Variants in RALB observed in about 807,000 individuals in gnomAD.
The protein encoded by RALB is RAS like proto-oncogene B.
A neutral mutation model predicts 21.3 loss-of-function variants in RALB; 16 were observed. The observed-to-expected ratio is 0.75, with a 90% CI of 0.51 to 1.14. The LOEUF is 1.14. Ranked by LOEUF, RALB falls within the 50% of genes most tolerant of loss-of-function variation. RALB has a pLI of 0.00. For missense variants in RALB, 161 were observed against 256.2 expected, an observed-to-expected ratio of 0.63 and a Z score of 2.54; for synonymous variants, 93 against 96.1, an observed-to-expected ratio of 0.97 and a Z score of 0.19.
At chr2:120,246,902 G>A (rs930385935) in intron 1 of RALB, among the ~76,000 whole-genome samples, 1 of 152,212 alleles carries the variant, frequency 6.6e-6, no homozygotes, top group Non-Finnish European at 1.5e-5. Flanking sequence ...TGGGGAGGGA[G>A]GGAGGGGCTG....
At chr2:120,241,495 G>A (rs964192732) in intron 1 of RALB, among the ~76,000 whole-genome samples, 3 of 152,232 alleles carry the variant, frequency 2.0e-5, no homozygotes, top group African/African-American at 7.2e-5. Flanking sequence ...GGTGGCCAAG[G>A]TGGGCGGATC....
rs1573363989 is a variant in RALB, at chr2:120,294,261, C to T, written c.*1001C>T. On this transcript the variant is annotated 3_prime_UTR_variant, in exon 5 of 5. Coordinates refer to ENST00000272519, the MANE Select transcript of RALB (RefSeq NM_002881.3). ...GAAGCCAGAGCCTGTGCCAGACCTT[C>T]TGCTACCTCTCATAGAATTGCTCTG... is the stretch of plus-strand genomic sequence containing the variant. 1 of 398,658 alleles carries T rather than the reference C, an allele frequency of 2.5e-6. No individual in the cohort carries two copies. The highest frequency in any genetic ancestry group is 3.6e-5 in the East Asian group (1 of 28,086). 24.7% of individuals were successfully genotyped at this position (398,658 alleles called of 1,614,324 possible). A position where few individuals can be genotyped will look rare whatever the true frequency, so the allele number is the denominator to read the frequency against.
intron 2 of RALB, among the ~76,000 whole-genome samples, chr2:120,284,462 G>A (rs995711061): frequency 2.0e-5 from 3 of 151,820 alleles, no homozygotes; most frequent in Non-Finnish European, 2.9e-5. Flanking sequence ...GCAATGGCAC[G>A]ATCTTGGTTC....
At position 120,277,515 on chromosome 2, in the gene RALB, A is replaced by G. The variant is rs1689837385; in HGVS notation, c.-47-1103A>G. 2.1e-5 allele frequency among the ~76,000 whole-genome samples: 3 copies of G among 144,568 alleles called. No individual in the cohort carries two copies. The South Asian group carries it at 6.5e-4, about 31-fold the overall frequency. The allele number at this position is 144,568 out of a possible 152,430, so 94.8% of individuals were successfully genotyped here. Reference sequence around the variant, plus strand: ...TGTGTGGTATGAGCATGTGAACGTTAGAGCGTATGTGAGTGTGTAGTTGTG... The same window carrying G: ...TGTGTGGTATGAGCATGTGAACGTTGGAGCGTATGTGAGTGTGTAGTTGTG... On this transcript the variant is annotated intron_variant, in intron 1 of 4. Coordinates refer to ENST00000272519, the MANE Select transcript of RALB (RefSeq NM_002881.3).
At chr2:120,252,353 G>A (rs1233201188), upstream of RALB, among the ~76,000 whole-genome samples, 2 of 152,246 alleles carry the variant, frequency 1.3e-5, no homozygotes, top group African/African-American at 2.4e-5. Context: ...CGAAGCGAGT[G>A]GTGGCGGCAG....
At position 120,285,751 on chromosome 2, in the gene RALB, TA is replaced by T; in HGVS notation, c.115-119del. 2.7e-6 allele frequency: 2 copies of T among 748,320 alleles called. 1 individual carries two copies. The highest frequency in any genetic ancestry group is 5.1e-5 in the East Asian group (2 of 38,850). 46.4% of individuals were successfully genotyped at this position (748,320 alleles called of 1,614,324 possible). A position where few individuals can be genotyped will look rare whatever the true frequency, so the allele number is the denominator to read the frequency against. On this transcript the variant is annotated intron_variant, in intron 2 of 4. Coordinates refer to ENST00000272519, the MANE Select transcript of RALB (RefSeq NM_002881.3). ...AGCTATAAAGAACAGAAGTGTTACG[TA>T]AAATGTTGCTTCTGTAGTGTCCTGT...
In RALB at chr2:120,278,664, G is replaced by A. The variant is rs763851556; in HGVS notation, c.-1G>A. ...TGTCACAGCCTCAGAAGACCAGCGA[G>A]ATGGCTGCCAACAAGAGTAAGGGCC... On this transcript the variant is annotated 5_prime_UTR_variant, in exon 2 of 5. Coordinates refer to ENST00000272519, the MANE Select transcript of RALB (RefSeq NM_002881.3). The A allele has an allele frequency of 1.3e-6, 2 of 1,593,612 alleles. No individual in the cohort carries two copies. The highest frequency in any genetic ancestry group is 2.3e-5 in the East Asian group (1 of 43,446).
In RALB at chr2:120,252,909, C is replaced by T. The variant is rs1689090003; in HGVS notation, c.-119C>T. On this transcript the variant is annotated 5_prime_UTR_variant, in exon 1 of 5. Transcript: ENST00000272519. ...GTGGAGGACGGCTGGGGTCCGGCCC[C>T]GGGAGGGGGCGGGGCGCGTTTAAGA... 2 of 985,424 alleles carry T rather than the reference C, an allele frequency of 2.0e-6. No individual in the cohort carries two copies. Among genetic ancestry groups the T allele is most frequent in the South Asian group, 4.7e-5 (1 of 21,298 alleles). 61.0% of individuals were successfully genotyped at this position (985,424 alleles called of 1,614,324 possible). A position where few individuals can be genotyped will look rare whatever the true frequency, so the allele number is the denominator to read the frequency against.
At chr2:120,264,678 T>A (rs2104601154) in intron 1 of RALB, among the ~76,000 whole-genome samples, 1 of 152,322 alleles carries the variant, frequency 6.6e-6, no homozygotes, top group East Asian at 1.9e-4. Flanking sequence ...TACTTTGTTG[T>A]GCAGCCATCA....
chr2:120,252,583 G>T (rs1282035671), upstream of RALB, among the ~76,000 whole-genome samples: 2 of 152,226 alleles, frequency 1.3e-5, no homozygotes, highest in African/African-American at 2.4e-5. Context: ...CTCCACTGCC[G>T]CAGGGTTACC....
At chr2:120,263,980 C>G (rs1177409404) in intron 1 of RALB, among the ~76,000 whole-genome samples, 1 of 151,506 alleles carries the variant, frequency 6.6e-6, no homozygotes, top group Admixed American at 6.6e-5. Flanking sequence ...TCCCTGGGAG[C>G]TGGGATTACA....
intron 1 of RALB, among the ~76,000 whole-genome samples, chr2:120,260,041 C>T (rs573763572): frequency 0.019 from 2,834 of 152,318 alleles, 101 homozygotes; most frequent in African/African-American, 0.064. Flanking sequence ...GCTGGCTGCT[C>T]CGAGTGCGGG....
intron 1 of RALB, among the ~76,000 whole-genome samples, chr2:120,260,707 C>T (rs943504721): frequency 5.9e-5 from 9 of 152,188 alleles, no homozygotes; most frequent in South Asian, 4.1e-4. Flanking sequence ...AGGAGGGGGA[C>T]GCTGGAAGGG....
At chr2:120,253,044 C>G (rs1573319945) in intron 1 of RALB, 64 bp downstream of exon 1, 1 of 915,918 alleles carries the variant, frequency 1.1e-6, no homozygotes, top group South Asian at 5.0e-5. Context: ...TGGGGTACGC[C>G]GCACGCCCGC....
chr2:120,270,570 G>A (rs565895631), intron 1 of RALB, among the ~76,000 whole-genome samples: 1 of 151,950 alleles, frequency 6.6e-6, no homozygotes, highest in Admixed American at 6.6e-5. Flanking sequence ...TTCTTTGTAA[G>A]GCCGGAACAG....
rs770219496 is a variant in RALB at position 120,278,775 on chromosome 2, C to T, written c.111C>T (p.Asp37=). The change falls in exon 2 of 5, where the codon GAC becomes GAT. Residue 37 remains aspartate, a synonymous_variant. Transcript: ENST00000272519. ...KSALTLQFMY[D]EFVEDYEPTK... is the part of the protein sequence containing the mutation. ...CCCTGACGCTTCAGTTCATGTATGA[C>T]GAGGTAAGCCCTGCTAGGCACAGAC... The T allele has an allele frequency of 2.4e-5, 38 of 1,555,800 alleles. No individual in the cohort carries two copies. The Admixed American group carries it at 5.9e-4, about 24-fold the overall frequency.
chr2:120,289,258 G>GTA (rs1690249008), intron 3 of RALB, among the ~76,000 whole-genome samples: 1 of 141,684 alleles, frequency 7.1e-6, no homozygotes, highest in Non-Finnish European at 1.5e-5. Flanking sequence ...TTTTTTTTGT[G>GTA]TGTGCATAAG....
intron 2 of RALB, among the ~76,000 whole-genome samples, chr2:120,283,420 CTT>C (rs2104649194): frequency 6.6e-6 from 1 of 152,300 alleles, no homozygotes; most frequent in Admixed American, 6.5e-5. Flanking sequence ...CATTCAGACT[CTT>C]TGTTCATAGT....
chr2:120,273,514 C>T (rs995502429), intron 1 of RALB, among the ~76,000 whole-genome samples: 10 of 152,134 alleles, frequency 6.6e-5, no homozygotes, highest in African/African-American at 2.4e-4. Flanking sequence ...TAGCAGAACT[C>T]AGGCCCCTCC....
Sources: gnomAD v4.1 joint callset for allele counts (sites outside exome capture counted in the v4.1 genomes callset) on GRCh38, gnomAD v4.1.1 for gene constraint, MANE v1.5 for transcripts, NCBI Gene and HGNC (gene_info 2026-07-23, HGNC 2026-07-21) for gene names.